Variants in METTL8 observed in about 807,000 individuals in gnomAD.
The protein encoded by METTL8 is tRNA N(3)-cytidine methyltransferase METTL8, mitochondrial.
Under a neutral mutation model 48.7 loss-of-function variants are expected in METTL8, and 32 were observed. The observed-to-expected ratio is 0.66, with a 90% CI of 0.50 to 0.88. METTL8 has a LOEUF of 0.88. METTL8 is among the 40% of genes least tolerant of loss of function. METTL8 has a pLI of 0.00. For synonymous variants in METTL8, 136 were observed against 157.1 expected (o/e 0.87, Z 1.01); for missense variants, 464 against 474.4 (o/e 0.98, Z 0.20).
intron 1 of METTL8, among the ~76,000 whole-genome samples, chr2:171,407,575 A>G (rs1194427460): frequency 1.3e-5 from 2 of 152,216 alleles, no homozygotes; most frequent in East Asian, 1.9e-4. Flanking sequence ...AAGCTAAAAC[A>G]TGGACTCCCG....
At chr2:171,334,126 T>C (rs1428976936) in intron 5 of METTL8, among the ~76,000 whole-genome samples, 2 of 151,584 alleles carry the variant, frequency 1.3e-5, no homozygotes, top group African/African-American at 4.9e-5. Flanking sequence ...AAAACTTCCA[T>C]ATAGTTCAAA....
At chr2:171,330,315 T>C (rs992458250) in intron 7 of METTL8, among the ~76,000 whole-genome samples, 1 of 152,232 alleles carries the variant, frequency 6.6e-6, no homozygotes, top group Non-Finnish European at 1.5e-5. Flanking sequence ...TAGGTATGTG[T>C]CTTGCCAGAA....
intron 2 of METTL8, among the ~76,000 whole-genome samples, chr2:171,363,792 T>TTTTA (rs1553516532): frequency 1.0e-5 from 1 of 97,454 alleles, no homozygotes; most frequent in South Asian, 3.0e-4. Context: ...TCCCCAAATT[T>TTTTA]TATATATATA....
chr2:171,419,749 T>C (rs1182030419), intron 1 of METTL8, among the ~76,000 whole-genome samples: 2 of 152,070 alleles, frequency 1.3e-5, no homozygotes, highest in Non-Finnish European at 2.9e-5. Flanking sequence ...ACTCCTGATA[T>C]CATTTTAAAA....
chr2:171,338,827 T>C (rs920357122), intron 4 of METTL8, among the ~76,000 whole-genome samples: 6 of 152,150 alleles, frequency 3.9e-5, no homozygotes, highest in African/African-American at 7.2e-5. Context: ...CACCAGATTA[T>C]AGCAAATTAT....
chr2:171,363,281 G>A (rs577781388), intron 2 of METTL8, among the ~76,000 whole-genome samples: 7 of 150,908 alleles, frequency 4.6e-5, no homozygotes, highest in Non-Finnish European at 1.0e-4. Flanking sequence ...TGTTCCTACT[G>A]TATTTATGGG....
At chr2:171,334,795 G>C (rs1250306446) in intron 5 of METTL8, among the ~76,000 whole-genome samples, 1 of 152,184 alleles carries the variant, frequency 6.6e-6, no homozygotes, top group African/African-American at 2.4e-5. Flanking sequence ...GGGAGAAGCA[G>C]AGGTGAAAAA....
chr2:171,389,841 C>T (rs924401967), intron 2 of METTL8, among the ~76,000 whole-genome samples: 2 of 152,130 alleles, frequency 1.3e-5, no homozygotes, highest in African/African-American at 4.8e-5. Context: ...GCTGTAGCAT[C>T]GAGTTATCCA....
intron 2 of METTL8, among the ~76,000 whole-genome samples, chr2:171,375,647 G>C (rs1158479236): frequency 6.6e-6 from 1 of 151,996 alleles, no homozygotes; most frequent in Non-Finnish European, 1.5e-5. Context: ...CATTTTTACT[G>C]TGTTGTTTGC....
chr2:171,370,238 G>A (rs1448280080), intron 2 of METTL8, among the ~76,000 whole-genome samples: 1 of 151,964 alleles, frequency 6.6e-6, no homozygotes, highest in Admixed American at 6.6e-5. Flanking sequence ...TGTTTTCTTT[G>A]GTGTTAATTT....
intron 2 of METTL8, among the ~76,000 whole-genome samples, chr2:171,381,241 A>G (rs1687505858): frequency 2.0e-5 from 3 of 152,344 alleles, no homozygotes; most frequent in African/African-American, 7.2e-5. Flanking sequence ...CTTAGACCTT[A>G]TTCAAAAATT....
chr2:171,419,506 T>C (rs1691664383), intron 1 of METTL8, among the ~76,000 whole-genome samples: 1 of 152,170 alleles, frequency 6.6e-6, no homozygotes, highest in Non-Finnish European at 1.5e-5. Flanking sequence ...TGTTCGATTC[T>C]AGTACACCTG....
In METTL8 at chr2:171,339,183, C is replaced by T. The variant is rs771795793; in HGVS notation, c.606+1G>A. On this transcript the variant is annotated splice_donor_variant, in intron 4 of 9. Coordinates refer to ENST00000375258, the MANE Select transcript of METTL8 (RefSeq NM_001321154.2). LOFTEE classifies it high-confidence loss of function. The stretch of plus-strand genomic sequence containing the variant: ...CCATTTTTGTCCCTTGAGCACAATA[C>T]CTCTAGTATCCTGAAAGTGGCATTG... 89 of 1,502,856 alleles carry T rather than the reference C, an allele frequency of 5.9e-5. No individual in the cohort carries two copies. The highest frequency in any genetic ancestry group is 7.6e-5 in the Non-Finnish European group (85 of 1,122,786). 93.1% of individuals were successfully genotyped at this position (1,502,856 alleles called of 1,614,324 possible).
chr2:171,364,775 TACA>T (rs1438357088), intron 2 of METTL8, among the ~76,000 whole-genome samples: 5 of 152,144 alleles, frequency 3.3e-5, no homozygotes, highest in African/African-American at 7.2e-5. Flanking sequence ...TGCTTCCTGT[TACA>T]ACTTTTAATA....
chr2:171,388,587 G>T (rs1688293765), intron 2 of METTL8, among the ~76,000 whole-genome samples: 3 of 151,988 alleles, frequency 2.0e-5, no homozygotes, highest in Admixed American at 2.0e-4. Flanking sequence ...AACAATATTT[G>T]TGTGTCAGGC....
At position 171,323,907 on chromosome 2, in the gene METTL8, T is replaced by A; in HGVS notation, c.*265A>T. 1 of 319,262 alleles carries A rather than the reference T, an allele frequency of 3.1e-6. No homozygotes were observed. The highest frequency in any genetic ancestry group is 5.6e-6 in the Non-Finnish European group (1 of 177,022). 19.8% of individuals were successfully genotyped at this position (319,262 alleles called of 1,614,324 possible). A position where few individuals can be genotyped will look rare whatever the true frequency, so the allele number is the denominator to read the frequency against. The stretch of plus-strand genomic sequence containing the variant: ...TAATACTAACTTAATTGAATGCTTA[T>A]AAAAATCAAGGAACAAGCAAAATGG... On this transcript the variant is annotated 3_prime_UTR_variant, in exon 10 of 10. Transcript: ENST00000375258.
intron 2 of METTL8, among the ~76,000 whole-genome samples, chr2:171,368,876 A>T (rs112118978): frequency 5.8e-4 from 88 of 151,926 alleles, no homozygotes; most frequent in African/African-American, 1.7e-3. Context: ...GTCTTAAAAA[A>T]ATATATATAT....
chr2:171,420,054 G>C (rs1480404765), intron 1 of METTL8, among the ~76,000 whole-genome samples: 1 of 151,790 alleles, frequency 6.6e-6, no homozygotes, highest in Non-Finnish European at 1.5e-5. Context: ...GTAAAACTTA[G>C]AGAAACAAAG....
chr2:171,391,686 A>G (rs1217061080), intron 2 of METTL8, among the ~76,000 whole-genome samples: 1 of 152,194 alleles, frequency 6.6e-6, no homozygotes, highest in Admixed American at 6.6e-5. Context: ...TTGCTGGATG[A>G]CAAGTATGAA....
Sources: gnomAD v4.1 joint callset for allele counts (sites outside exome capture counted in the v4.1 genomes callset) on GRCh38, gnomAD v4.1.1 for gene constraint, MANE v1.5 for transcripts, NCBI Gene and HGNC (gene_info 2026-07-23, HGNC 2026-07-21) for gene names.